Variants in WNK2 observed in about 807,000 individuals in gnomAD.
WNK2 encodes the protein serine/threonine-protein kinase WNK2.
WNK2 carries 67 observed loss-of-function variants against 192.1 expected under a neutral mutation model. The observed-to-expected ratio is 0.35, with a 90% CI of 0.29 to 0.43. The LOEUF is 0.43. Among genes scored for constraint, WNK2 ranks in the 20% least tolerant of loss-of-function variants. The pLI is 1.00. For synonymous variants in WNK2, 1,439 were observed against 1,393.9 expected, an observed-to-expected ratio of 1.03 and a Z score of -0.72; for missense variants, 2,698 against 3,089.7, an observed-to-expected ratio of 0.87 and a Z score of 3.01.
chr9:93,231,415 C>G, intron 4 of WNK2, among the ~76,000 whole-genome samples: 1 of 152,230 alleles, frequency 6.6e-6, no homozygotes, highest in South Asian at 2.1e-4. Context: ...GTGTTTCCCT[C>G]CGTGGCTGTG....
chr9:93,284,646 G>A (rs1848198626), intron 19 of WNK2, among the ~76,000 whole-genome samples: 1 of 152,016 alleles, frequency 6.6e-6, no homozygotes, highest in South Asian at 2.1e-4. Flanking sequence ...GGTAAAAAGG[G>A]AGAAAGAAAA....
intron 19 of WNK2, among the ~76,000 whole-genome samples, chr9:93,270,658 C>G (rs927320047): frequency 2.6e-5 from 4 of 152,182 alleles, no homozygotes; most frequent in Non-Finnish European, 4.4e-5. Flanking sequence ...TCCTGTAGTT[C>G]CATCTCCCAG....
chr9:93,254,499 G>T (rs1332115120), intron 9 of WNK2, among the ~76,000 whole-genome samples: 1 of 152,230 alleles, frequency 6.6e-6, no homozygotes, highest in Non-Finnish European at 1.5e-5. Flanking sequence ...GCCTTCCCAG[G>T]CCTGCTCAGT....
At chr9:93,199,860 T>G (rs1587818594) in intron 2 of WNK2, among the ~76,000 whole-genome samples, 1 of 140,594 alleles carries the variant, frequency 7.1e-6, no homozygotes, top group Non-Finnish European at 1.5e-5. Flanking sequence ...ATAGTGCCAC[T>G]GCACTCCAGC....
chr9:93,238,188 T>C, intron 5 of WNK2, 45 bp from the exon 6 acceptor site: 1 of 1,594,814 alleles, frequency 6.3e-7, no homozygotes, highest in Non-Finnish European at 8.6e-7. Flanking sequence ...GGCCTCGCCT[T>C]CCGGCAGCCG....
chr9:93,300,325 C>T (rs931582373), intron 26 of WNK2, 176 bp downstream of exon 26: 18 of 553,046 alleles, frequency 3.3e-5, no homozygotes, highest in African/African-American at 7.7e-5. Flanking sequence ...GAGCGGCGGC[C>T]GCCAGCGCCT....
Position 93,263,748 on chromosome 9 carries a change from G to T in WNK2, c.3579+14G>T. 6.9e-7 allele frequency: 1 copy of T among 1,448,954 alleles called. No individual in the cohort carries two copies. Among genetic ancestry groups the T allele is most frequent in the South Asian group, 1.4e-5 (1 of 73,634 alleles). The allele number at this position is 1,448,954 out of a possible 1,614,324, so 89.8% of individuals were successfully genotyped here. A position where few individuals can be genotyped will look rare whatever the true frequency, so the allele number is the denominator to read the frequency against. On this transcript the variant is annotated intron_variant, in intron 15 of 29. Transcript: ENST00000427277. ...ACCATCTTGAACGTGAGTGGGCGGG[G>T]CGTGGCGGGGGTGTGGTGGGGGTGG...
chr9:93,300,645 C>T (rs1851447322), intron 26 of WNK2, among the ~76,000 whole-genome samples: 1 of 152,190 alleles, frequency 6.6e-6, no homozygotes, highest in Non-Finnish European at 1.5e-5. Context: ...AAGACATGCA[C>T]ATAGCGAGCC....
chr9:93,229,052 C>T lies in WNK2; in HGVS notation c.682-644C>T, dbSNP rs550461837. 2.0e-5 allele frequency among the ~76,000 whole-genome samples: 3 copies of T among 152,120 alleles called. No homozygotes were observed. In the East Asian group the frequency reaches 5.8e-4, roughly 29 times the overall value. On this transcript the variant is annotated intron_variant, in intron 2 of 29. Coordinates refer to ENST00000427277, the MANE Select transcript of WNK2 (RefSeq NM_006648.4). The surrounding 1 kb of genome is among the most constrained non-coding windows in gnomAD (Gnocchi z 4.9). ...CAGGGTTCCCGGGTGATGATGGTGGCGTTTGTTTGCTGTTTTCTATTTAAA... is the reference window on the plus strand; with the variant it reads ...CAGGGTTCCCGGGTGATGATGGTGGTGTTTGTTTGCTGTTTTCTATTTAAA...
intron 9 of WNK2, among the ~76,000 whole-genome samples, chr9:93,255,405 A>G (rs1843137375): frequency 6.6e-6 from 1 of 152,118 alleles, no homozygotes; most frequent in Non-Finnish European, 1.5e-5. Context: ...TGGTAGACGG[A>G]TGGTCCGGCC....
Position 93,292,953 on chromosome 9 carries a change from G to A in WNK2, c.5488G>A (p.Gly1830Ser). 1 of 1,534,924 alleles carries A rather than the reference G, an allele frequency of 6.5e-7. No homozygotes were observed. Among genetic ancestry groups the A allele is most frequent in the South Asian group, 1.2e-5 (1 of 80,278 alleles). Residue 1830 changes from glycine (G) to serine (S), a missense_variant, in exon 23 of 30, where the codon GGC (glycine) becomes AGC (serine). This residue lies in a region of WNK2 where 1,098 missense variants were observed against 1,101.0 expected (regional missense o/e 1.00). Coordinates refer to ENST00000427277, the MANE Select transcript of WNK2 (RefSeq NM_006648.4). ...VQKQASLPVSGSVAGDFVKKA... is the reference protein window; with the variant it reads ...VQKQASLPVSSSVAGDFVKKA... ...GAAGCAGGCGTCCCTGCCCGTGAGTGGCAGCGTGGCTGGCGACTTCGTGAA... is the reference window on the plus strand; with the variant it reads ...GAAGCAGGCGTCCCTGCCCGTGAGTAGCAGCGTGGCTGGCGACTTCGTGAA...
chr9:93,211,807 G>A (rs182366150), intron 2 of WNK2, among the ~76,000 whole-genome samples: 3 of 147,852 alleles, frequency 2.0e-5, no homozygotes, highest in East Asian at 2.0e-4. Context: ...TCACTTTTTG[G>A]TCCACTTATT....
At chr9:93,304,631 G>A (rs1364269451) in intron 26 of WNK2, among the ~76,000 whole-genome samples, 2 of 152,262 alleles carry the variant, frequency 1.3e-5, no homozygotes, top group Non-Finnish European at 2.9e-5. Context: ...CACAGAGCGA[G>A]TGGCAGGGGG....
At chr9:93,192,325 AAGAGAG>A (rs896337732) in intron 2 of WNK2, among the ~76,000 whole-genome samples, 1 of 151,866 alleles carries the variant, frequency 6.6e-6, no homozygotes, top group Non-Finnish European at 1.5e-5. Flanking sequence ...AAAAAAAAAA[AAGAGAG>A]AGAGAGAAGG....
Position 93,239,695 on chromosome 9 carries a change from A to T in WNK2, c.1323-62A>T. The T allele has an allele frequency of 6.9e-7, 1 of 1,456,174 alleles. No individual in the cohort carries two copies. 90.2% of individuals were successfully genotyped at this position (1,456,174 alleles called of 1,614,324 possible). A position where few individuals can be genotyped will look rare whatever the true frequency, so the allele number is the denominator to read the frequency against. ...TCCTTGTCCTGGTGCGCATGGACAC[A>T]GGAGCCTGGGCATGGAGGCCCTGGC... is the stretch of plus-strand genomic sequence containing the variant. On this transcript the variant is annotated intron_variant, in intron 6 of 29. Transcript: ENST00000427277. This position sits in a 1 kb window ranked among gnomAD's most constrained non-coding sequence, Gnocchi z 4.2.
intron 26 of WNK2, among the ~76,000 whole-genome samples, chr9:93,302,360 G>A (rs1006545135): frequency 1.7e-4 from 26 of 152,198 alleles, no homozygotes; most frequent in African/African-American, 6.0e-4. Flanking sequence ...GGAAGACACC[G>A]AGGGGTCGGG....
Position 93,289,340 on chromosome 9 carries a change from C to G in WNK2, c.4586C>G (p.Ser1529Trp). Residue 1529 changes from serine (S) to tryptophan (W), a missense_variant, in exon 20 of 30, where the codon TCG (serine) becomes TGG (tryptophan). Ser to Trp is a radical substitution (Grantham distance 177). Coordinates refer to ENST00000427277, the MANE Select transcript of WNK2 (RefSeq NM_006648.4). ...LGPTVPPQPP[S>W]ALESDGEGPP... Reference sequence around the variant, plus strand: ...CCCACCGTCCCCCCACAGCCACCCTCGGCCCTGGAGTCGGATGGGGAAGGG... The same window carrying G: ...CCCACCGTCCCCCCACAGCCACCCTGGGCCCTGGAGTCGGATGGGGAAGGG... 2 of 1,606,942 alleles carry G rather than the reference C, an allele frequency of 1.2e-6. No homozygotes were observed. The highest frequency in any genetic ancestry group is 1.7e-6 in the Non-Finnish European group (2 of 1,177,136).
In WNK2 at chr9:93,185,338, C is replaced by T. The variant is rs532728794; in HGVS notation, c.409C>T (p.Pro137Ser). The T allele has an allele frequency of 3.9e-5, 60 of 1,539,636 alleles. No homozygotes were observed. In the South Asian group the frequency reaches 6.6e-4, roughly 17 times the overall value. Reference sequence around the variant, plus strand: ...CATCGCAGCCGCTGTCGAAACCGCGCCTGCCCCCGACGGCGGCCCCAGGGA... The same window carrying T: ...CATCGCAGCCGCTGTCGAAACCGCGTCTGCCCCCGACGGCGGCCCCAGGGA... Reference protein sequence around the residue: ...DPIAAAVETAPAPDGGPREEA... With the variant: ...DPIAAAVETASAPDGGPREEA... The change falls in exon 2 of 30, where the codon CCT becomes TCT. Residue 137 changes from proline to serine, a missense_variant. By Grantham distance (74) the Pro-to-Ser change is moderately conservative. Coordinates refer to ENST00000427277, the MANE Select transcript of WNK2 (RefSeq NM_006648.4).
At chr9:93,221,870 A>C (rs1437701237) in intron 2 of WNK2, among the ~76,000 whole-genome samples, 1 of 152,190 alleles carries the variant, frequency 6.6e-6, no homozygotes, top group African/African-American at 2.4e-5. Context: ...TCCCGTGTTT[A>C]GAAACAGCTG....
Sources: allele counts gnomAD v4.1 joint callset (sites outside exome capture counted in the v4.1 genomes callset), GRCh38; gene constraint gnomAD v4.1.1; regional missense constraint gnomAD v4.1.1; non-coding constraint Gnocchi (gnomAD v3.1); transcripts MANE v1.5; gene names NCBI Gene and HGNC (gene_info 2026-07-23, HGNC 2026-07-21).